Variants in STK3 observed in about 807,000 individuals in gnomAD.
The protein encoded by STK3 is serine/threonine kinase 3.
STK3 carries 41 observed loss-of-function variants against 58.0 expected under a neutral mutation model. That is an observed-to-expected ratio of 0.71 (90% CI 0.55 to 0.92). STK3 has a LOEUF of 0.92. Ranked by LOEUF, STK3 falls within the 40% of genes least tolerant of loss-of-function variation. The pLI is 0.00. For missense variants in STK3, 479 were observed against 602.7 expected, an observed-to-expected ratio of 0.79 and a Z score of 2.15; for synonymous variants, 170 against 191.0, an observed-to-expected ratio of 0.89 and a Z score of 0.91.
At chr8:98,427,970 C>G (rs765618839) in intron 3 of STK3, 8 of 1,495,922 alleles carry the variant, frequency 5.3e-6, no homozygotes, top group Non-Finnish European at 7.1e-6. Context: ...GGGCGGCCGG[C>G]GCCTCCAGCA....
At chr8:98,836,469 G>A (rs893846728) in intron 3 of STK3, among the ~76,000 whole-genome samples, 23 of 152,234 alleles carry the variant, frequency 1.5e-4, no homozygotes, top group African/African-American at 5.3e-4. Context: ...CCACCTTCAG[G>A]GTTAGGATTT....
chr8:98,874,148 T>C (rs1227965522), intron 3 of STK3, among the ~76,000 whole-genome samples: 1 of 152,252 alleles, frequency 6.6e-6, no homozygotes, highest in Non-Finnish European at 1.5e-5. Flanking sequence ...AATTCTCTTC[T>C]TTAAGAATGT....
At chr8:98,357,487 C>T in the STK3 span, among the ~76,000 whole-genome samples, 3 of 152,218 alleles carry the variant, frequency 2.0e-5, no homozygotes, top group Non-Finnish European at 4.4e-5. Flanking sequence ...GCACACCGTA[C>T]CTCATGCTTA....
intron 1 of STK3, among the ~76,000 whole-genome samples, chr8:98,897,549 C>A (rs1838501731): frequency 6.6e-6 from 1 of 152,002 alleles, no homozygotes; most frequent in Admixed American, 6.5e-5. Context: ...GAGCCGAGAT[C>A]GTGCCACTGG....
chr8:98,936,265 A>G (rs1840192964), intron 1 of STK3, among the ~76,000 whole-genome samples: 1 of 152,148 alleles, frequency 6.6e-6, no homozygotes, highest in African/African-American at 2.4e-5. Flanking sequence ...TTGCAGATTC[A>G]GACACAGAGG....
downstream of STK3, among the ~76,000 whole-genome samples, chr8:98,450,642 T>C (rs1369920276): frequency 6.6e-6 from 1 of 152,042 alleles, no homozygotes; most frequent in Non-Finnish European, 1.5e-5. Context: ...CAACAAAACA[T>C]AGATTTCAAG....
chr8:98,405,549 G>A lies in STK3; in HGVS notation n.484-4036C>T, dbSNP rs536201774. On this transcript the variant is annotated intron_variant and non_coding_transcript_variant, in intron 3 of 3. Transcript: ENST00000517832. ...TAACTTAATTGGAAGGATGCCCTCCGTCATGGCCTAGAACCTAGACGCCTC... is the reference window on the plus strand; with the variant it reads ...TAACTTAATTGGAAGGATGCCCTCCATCATGGCCTAGAACCTAGACGCCTC... Among the ~76,000 whole-genome samples, 64 of 152,234 alleles carry A rather than the reference G, an allele frequency of 4.2e-4. 1 individual carries two copies. The highest frequency in any genetic ancestry group is 2.9e-3 in the Admixed American group (45 of 15,298).
At chr8:98,705,932 A>C (rs1825933380) in intron 6 of STK3, among the ~76,000 whole-genome samples, 2 of 152,194 alleles carry the variant, frequency 1.3e-5, no homozygotes, top group African/African-American at 2.4e-5. Flanking sequence ...TGTTCAAAAA[A>C]GGAATTCCAT....
intron 3 of STK3, chr8:98,429,397 A>G: frequency 6.2e-7 from 1 of 1,610,582 alleles, no homozygotes; most frequent in Non-Finnish European, 8.5e-7. Flanking sequence ...CTCAGTTTAA[A>G]TGATTCCCTA....
chr8:98,476,781 G>A (rs1426563530), intron 10 of STK3, among the ~76,000 whole-genome samples: 1 of 152,160 alleles, frequency 6.6e-6, no homozygotes, highest in Non-Finnish European at 1.5e-5. Flanking sequence ...AACTCAAAAT[G>A]TTTCCAAATT....
chr8:98,485,819 CTAT>C (rs1417887314), intron 10 of STK3, among the ~76,000 whole-genome samples: 2 of 152,020 alleles, frequency 1.3e-5, no homozygotes, highest in Non-Finnish European at 2.9e-5. Flanking sequence ...ATTTTGGAGC[CTAT>C]TAGCTATAAA....
intron 9 of STK3, among the ~76,000 whole-genome samples, chr8:98,536,029 A>C (rs1378720479): frequency 2.0e-5 from 3 of 152,276 alleles, no homozygotes; most frequent in Admixed American, 6.5e-5. Context: ...GTGTTGACTA[A>C]ATAAAGAAAG....
chr8:98,482,148 AAAT>A (rs1821902734), intron 10 of STK3, among the ~76,000 whole-genome samples: 1 of 152,218 alleles, frequency 6.6e-6, no homozygotes, highest in Admixed American at 6.5e-5. Flanking sequence ...TCTAAAAAGA[AAAT>A]AACCTGCAGG....
intron 6 of STK3, among the ~76,000 whole-genome samples, chr8:98,664,823 C>A (rs770556372): frequency 1.9e-4 from 29 of 151,884 alleles, no homozygotes; most frequent in Non-Finnish European, 2.6e-4. Flanking sequence ...TTGCTTGAAC[C>A]CGGGAGGCGG....
intron 7 of STK3, among the ~76,000 whole-genome samples, chr8:98,588,323 G>T (rs916091133): frequency 4.6e-5 from 7 of 151,794 alleles, no homozygotes; most frequent in Admixed American, 1.3e-4. Flanking sequence ...GCATTTGCTT[G>T]TCTGTAAAGG....
At chr8:98,764,422 T>C (rs1830819009) in intron 3 of STK3, among the ~76,000 whole-genome samples, 2 of 152,208 alleles carry the variant, frequency 1.3e-5, no homozygotes, top group South Asian at 2.1e-4. Flanking sequence ...AAATATATGG[T>C]TCCTTTCCTT....
At chr8:98,588,749 T>C (rs1814933168) in intron 7 of STK3, among the ~76,000 whole-genome samples, 1 of 151,780 alleles carries the variant, frequency 6.6e-6, no homozygotes, top group Non-Finnish European at 1.5e-5. Context: ...TAGACGTAGA[T>C]TTGGTCTTTT....
intron 1 of STK3, among the ~76,000 whole-genome samples, chr8:98,792,036 GGAGAAAA>G (rs763959746): frequency 1.3e-5 from 2 of 152,074 alleles, no homozygotes; most frequent in Non-Finnish European, 2.9e-5. Context: ...CCATAGAGTG[GGAGAAAA>G]TCTTCACAAT....
chr8:98,915,470 A>ATATATATATATAT (rs1839314010), intron 1 of STK3, among the ~76,000 whole-genome samples: 2 of 136,160 alleles, frequency 1.5e-5, no homozygotes, highest in Non-Finnish European at 3.1e-5. Context: ...ATATATATAT[A>ATATATATATATAT]GTTCTGTCCT....
Sources: allele counts gnomAD v4.1 joint callset (sites outside exome capture counted in the v4.1 genomes callset), GRCh38; gene constraint gnomAD v4.1.1; transcripts MANE v1.5; gene names NCBI Gene and HGNC (gene_info 2026-07-23, HGNC 2026-07-21).